CCDC192: variants seen among roughly 807,000 people sequenced by gnomAD.
The protein encoded by CCDC192 is coiled-coil domain-containing protein 192.
intron 6 of CCDC192, among the ~76,000 whole-genome samples, chr5:127,897,843 T>G (rs1322462548): frequency 6.6e-6 from 1 of 152,200 alleles, no homozygotes. Flanking sequence ...AAAGTAACCT[T>G]TATAATATTA....
intron 5 of CCDC192, among the ~76,000 whole-genome samples, chr5:127,869,308 G>C (rs772065250): frequency 6.6e-6 from 1 of 152,030 alleles, no homozygotes; most frequent in Non-Finnish European, 1.5e-5. Context: ...TGGGCAATAA[G>C]AGCAAAACTC....
chr5:127,937,370 G>A (rs1302544599), intron 6 of CCDC192, among the ~76,000 whole-genome samples: 3 of 152,200 alleles, frequency 2.0e-5, no homozygotes, highest in Admixed American at 2.0e-4. Flanking sequence ...GATGGCATTT[G>A]GAGATGGGGC....
chr5:127,841,161 C>T (rs1009752883), intron 5 of CCDC192, among the ~76,000 whole-genome samples: 7 of 152,190 alleles, frequency 4.6e-5, no homozygotes, highest in African/African-American at 1.4e-4. Context: ...TGTATGTGCC[C>T]TTAAGAGGCA....
intron 6 of CCDC192, among the ~76,000 whole-genome samples, chr5:127,894,227 C>T (rs911969587): frequency 2.5e-4 from 32 of 129,068 alleles, no homozygotes; most frequent in African/African-American, 8.7e-4. Context: ...GAGTCTTGCT[C>T]TGTCACCCAG....
At chr5:127,934,502 G>T (rs1754135401) in intron 6 of CCDC192, among the ~76,000 whole-genome samples, 1 of 152,184 alleles carries the variant, frequency 6.6e-6, no homozygotes, top group Admixed American at 6.5e-5. Flanking sequence ...GACAGCTTTA[G>T]TGGAAGGAAA....
chr5:127,824,006 A>G (rs533618074), intron 5 of CCDC192, among the ~76,000 whole-genome samples: 9 of 152,158 alleles, frequency 5.9e-5, no homozygotes, highest in Non-Finnish European at 1.3e-4. Flanking sequence ...ACCTCCACCC[A>G]ATAGCAAGGT....
chr5:127,757,110 A>T (rs992703271), intron 3 of CCDC192, among the ~76,000 whole-genome samples: 13 of 152,244 alleles, frequency 8.5e-5, no homozygotes, highest in African/African-American at 2.9e-4. Context: ...TGGGAAAGAC[A>T]TGTAAGCCAG....
intron 5 of CCDC192, among the ~76,000 whole-genome samples, chr5:127,840,380 C>G (rs1329034938): frequency 4.6e-5 from 7 of 152,142 alleles, no homozygotes; most frequent in Admixed American, 3.9e-4. Context: ...ACAGGACACA[C>G]AGAGCCCTGT....
intron 2 of CCDC192, among the ~76,000 whole-genome samples, chr5:127,751,057 ACT>A (rs1297462012): frequency 3.4e-5 from 5 of 145,716 alleles, no homozygotes; most frequent in Admixed American, 3.4e-4. Context: ...ATGGGTCTTG[ACT>A]CTTTATCCAA....
chr5:127,720,409 C>T (rs1265065006), intron 2 of CCDC192, among the ~76,000 whole-genome samples: 2 of 152,202 alleles, frequency 1.3e-5, no homozygotes, highest in African/African-American at 4.8e-5. Context: ...ATCCCAAGGC[C>T]TTGGGTAGCT....
intron 6 of CCDC192, among the ~76,000 whole-genome samples, chr5:127,888,618 C>G (rs374948965): frequency 6.6e-6 from 1 of 151,964 alleles, no homozygotes; most frequent in East Asian, 1.9e-4. Context: ...GGATGTTAAC[C>G]ACTAAGTGTC....
chr5:127,868,702 G>T (rs540344344), intron 5 of CCDC192, among the ~76,000 whole-genome samples: 4 of 152,222 alleles, frequency 2.6e-5, no homozygotes, highest in African/African-American at 9.6e-5. Flanking sequence ...TGGTCAACAT[G>T]ACGAAACCCA....
chr5:127,746,205 C>A (rs1039803815), intron 2 of CCDC192, among the ~76,000 whole-genome samples: 2 of 152,188 alleles, frequency 1.3e-5, no homozygotes, highest in Non-Finnish European at 2.9e-5. Context: ...TCAGGTCTTT[C>A]TCTGTCCTAA....
chr5:127,829,687 G>A (rs1271558666), intron 5 of CCDC192, among the ~76,000 whole-genome samples: 2 of 152,124 alleles, frequency 1.3e-5, no homozygotes, highest in South Asian at 4.1e-4. Flanking sequence ...GCTTTTATTG[G>A]TCTATTTTTT....
At chr5:127,900,850 C>T (rs970719340) in intron 6 of CCDC192, among the ~76,000 whole-genome samples, 7 of 152,022 alleles carry the variant, frequency 4.6e-5, no homozygotes, top group African/African-American at 9.7e-5. Context: ...ACTGTATAAA[C>T]GTTGCTATGT....
chr5:127,867,318 A>G (rs1226335110), intron 5 of CCDC192, among the ~76,000 whole-genome samples: 1 of 152,228 alleles, frequency 6.6e-6, no homozygotes, highest in African/African-American at 2.4e-5. Flanking sequence ...CAGAAAAAGC[A>G]AAGTATCTGA....
At chr5:127,790,387 G>A (rs1027689251) in intron 3 of CCDC192, among the ~76,000 whole-genome samples, 8 of 152,080 alleles carry the variant, frequency 5.3e-5, no homozygotes, top group Non-Finnish European at 1.0e-4. Context: ...TTTGATATAT[G>A]TATACAATGT....
intron 6 of CCDC192, among the ~76,000 whole-genome samples, chr5:127,923,276 G>C (rs1454662673): frequency 6.6e-6 from 1 of 151,990 alleles, no homozygotes; most frequent in Admixed American, 6.6e-5. Flanking sequence ...AAAAGATTCT[G>C]TTCTTCCTTG....
chr5:127,871,868 G>A (rs556210424), intron 5 of CCDC192, among the ~76,000 whole-genome samples: 7 of 152,264 alleles, frequency 4.6e-5, no homozygotes, highest in Admixed American at 1.3e-4. Flanking sequence ...AAAAGAGCAC[G>A]GTAATAGGAA....
Sources: allele counts gnomAD v4.1 joint callset (sites outside exome capture counted in the v4.1 genomes callset), GRCh38; gene constraint gnomAD v4.1.1; transcripts MANE v1.5; gene names NCBI Gene and HGNC (gene_info 2026-07-23, HGNC 2026-07-21).